The following DYNLT4 variants were observed in gnomAD, a reference collection of about 807,000 sequenced individuals.
DYNLT4 encodes dynein light chain Tctex-type 4, also known as Tctex1 domain containing 4.
DYNLT4 carries 3 observed loss-of-function variants against 1.5 expected under a neutral mutation model. The observed-to-expected ratio is 1.97, with a 90% CI of 0.90 to 5.08. The LOEUF (loss-of-function observed/expected upper bound fraction) is 5.08, where lower values mean the gene tolerates loss of function less well. Among genes scored for constraint, DYNLT4 ranks in the 30% most tolerant of loss-of-function variants. The pLI is 0.02. For synonymous variants in DYNLT4, 181 were observed against 160.0 expected (o/e 1.13, Z -0.99); for missense variants, 346 against 341.0 (o/e 1.01, Z -0.12).
rs767451085 is a variant in DYNLT4 at position 44,806,364 on chromosome 1, C to T, written c.305G>A (p.Arg102His). The T allele has an allele frequency of 2.6e-6, 4 of 1,522,024 alleles. No individual in the cohort carries two copies. Among genetic ancestry groups the T allele is most frequent in the African/African-American group, 2.9e-5 (2 of 69,962 alleles). 94.3% of individuals were successfully genotyped at this position (1,522,024 alleles called of 1,614,324 possible). A position where few individuals can be genotyped will look rare whatever the true frequency, so the allele number is the denominator to read the frequency against. Residue 102 changes from arginine (R) to histidine (H), a missense_variant, in exon 3 of 3, where the codon CGT becomes CAT. Physicochemically the swap from Arg to His is conservative, Grantham distance 29. Transcript: ENST00000339355. ...CGTGCGGTAGGAGGGCGCCACCCAA[C>T]GGGCGGGCGCCAGGGGCAACCCTGA... ...SFSGLPLAPA[R>H]WVAPSYRTEP...
chr1:44,806,189 C>A lies in DYNLT4; in HGVS notation c.480G>T (p.Leu160=). ...RELCEQVHVR[L]RELSPPRYKL... ...TGTAGCGTGGCGGGCTGAGCTCGCGCAGGCGAACGTGCACCTGCTCGCAGA... is the reference window on the plus strand; with the variant it reads ...TGTAGCGTGGCGGGCTGAGCTCGCGAAGGCGAACGTGCACCTGCTCGCAGA... Residue 160 remains leucine (L), a synonymous_variant, in exon 3 of 3, where the codon CTG becomes CTT. Coordinates refer to ENST00000339355, the MANE Select transcript of DYNLT4 (RefSeq NM_001377534.1). 1 of 1,551,472 alleles carries A rather than the reference C, an allele frequency of 6.4e-7. No homozygotes were observed.
Position 44,806,522 on chromosome 1 carries a change from C to T in DYNLT4, c.147G>A (p.Ser49=), listed in dbSNP as rs573076017. Reference sequence around the variant, plus strand: ...CCAGGCCCAGCATGGAGCCCCGGCGCGAGGCCGGGGCTGGACCTGGACCTG... The same window carrying T: ...CCAGGCCCAGCATGGAGCCCCGGCGTGAGGCCGGGGCTGGACCTGGACCTG... ...RPAGPGPAPA[S]RRGSMLGLAA... The change falls in exon 3 of 3, where the codon TCG becomes TCA. Residue 49 remains serine (S), a synonymous_variant. Coordinates refer to ENST00000339355, the MANE Select transcript of DYNLT4 (RefSeq NM_001377534.1). The T allele has an allele frequency of 6.7e-6, 10 of 1,495,562 alleles. No homozygotes were observed. In the East Asian group the frequency reaches 2.6e-4, roughly 39 times the overall value. The allele number at this position is 1,495,562 out of a possible 1,614,324, so 92.6% of individuals were successfully genotyped here.
At chr1:44,806,872 AG>A (rs1371154912) in intron 1 of DYNLT4, 34 bp from the exon 2 acceptor site, 1 of 985,314 alleles carries the variant, frequency 1.0e-6, no homozygotes, top group Non-Finnish European at 1.2e-6. Flanking sequence ...ACACATGAGC[AG>A]GGGACAGGAG....
Position 44,806,272 on chromosome 1 carries a change from C to G in DYNLT4, c.397G>C (p.Ala133Pro), listed in dbSNP as rs1284912162. Residue 133 changes from alanine (A) to proline (P), a missense_variant, in exon 3 of 3, where the codon GCA becomes CCA. Transcript: ENST00000339355. ...AQRALEAALA[A>P]GLHDACYSSD... ...GAGTAGCACGCGTCGTGCAGCCCTG[C>G]GGCCAGCGCCGCCTCCAGGGCACGC... 1 of 1,489,248 alleles carries G rather than the reference C, an allele frequency of 6.7e-7. No homozygotes were observed. The highest frequency in any genetic ancestry group is 2.6e-5 in the East Asian group (1 of 38,910). The allele number at this position is 1,489,248 out of a possible 1,614,324, so 92.3% of individuals were successfully genotyped here. A position where few individuals can be genotyped will look rare whatever the true frequency, so the allele number is the denominator to read the frequency against.
Position 44,806,547 on chromosome 1 carries a change from G to A in DYNLT4, c.122C>T (p.Ala41Val), listed in dbSNP as rs1652104858. ...CGAGGCCGGGGCTGGACCTGGACCTGCCGGTCGGGCCTCATCAATGCTGGG... is the reference window on the plus strand; with the variant it reads ...CGAGGCCGGGGCTGGACCTGGACCTACCGGTCGGGCCTCATCAATGCTGGG... ...CLPSIDEARP[A>V]GPGPAPASRR... The change falls in exon 3 of 3, where the codon GCA becomes GTA. Residue 41 changes from alanine to valine, a missense_variant. Transcript: ENST00000339355. 3.3e-6 allele frequency: 5 copies of A among 1,499,716 alleles called. No homozygotes were observed. The highest frequency in any genetic ancestry group is 4.4e-6 in the Non-Finnish European group (5 of 1,129,044). 92.9% of individuals were successfully genotyped at this position (1,499,716 alleles called of 1,614,324 possible). A position where few individuals can be genotyped will look rare whatever the true frequency, so the allele number is the denominator to read the frequency against.
rs1342723430 is a variant in DYNLT4, at chr1:44,807,308, G to A, written c.-67+17C>T. ...TCTGAGATGGCTGCCCTCTGCTCCC[G>A]AAACTCCCTCAGGCACCTGAGTCAC... On this transcript the variant is annotated intron_variant, in intron 1 of 2. Transcript: ENST00000339355. Among the ~76,000 whole-genome samples the A allele has an allele frequency of 6.6e-6, 1 of 152,194 alleles. No individual in the cohort carries two copies. The highest frequency in any genetic ancestry group is 1.5e-5 in the Non-Finnish European group (1 of 68,030).
rs1213654333 is a variant in DYNLT4, at chr1:44,805,909, T to G, written c.*94A>C. ...TAGGGGGCGTTATTTATGGACCACT[T>G]TTATTTATTGTCAGACACTTATTTA... On this transcript the variant is annotated 3_prime_UTR_variant, in exon 3 of 3. Coordinates refer to ENST00000339355, the MANE Select transcript of DYNLT4 (RefSeq NM_001377534.1). 1.4e-6 allele frequency: 2 copies of G among 1,465,510 alleles called. No individual in the cohort carries two copies. Among genetic ancestry groups the G allele is most frequent in the East Asian group, 4.9e-5 (2 of 40,756 alleles). 90.8% of individuals were successfully genotyped at this position (1,465,510 alleles called of 1,614,324 possible). A position where few individuals can be genotyped will look rare whatever the true frequency, so the allele number is the denominator to read the frequency against.
In DYNLT4 at chr1:44,806,064, A is replaced by AC. The variant is rs750907882; in HGVS notation, c.604dup (p.Val202GlyfsTer34). ...GAAGAGCGAGGTGTTGGTGTAGGAG[A>AC]CCGAGGCCAGCCCATCGCGCGCCAC... On this transcript the variant is annotated frameshift_variant, in exon 3 of 3. Coordinates refer to ENST00000339355, the MANE Select transcript of DYNLT4 (RefSeq NM_001377534.1). LOFTEE classifies it high-confidence loss of function. 7.6e-5 allele frequency: 121 copies of AC among 1,601,696 alleles called. No individual in the cohort carries two copies. The highest frequency in any genetic ancestry group is 9.9e-5 in the Non-Finnish European group (116 of 1,173,300).
rs1338680845 is a variant in DYNLT4, at chr1:44,805,899, A to G, written c.*104T>C. 18 of 1,454,800 alleles carry G rather than the reference A, an allele frequency of 1.2e-5. 1 individual carries two copies. The highest frequency in any genetic ancestry group is 3.6e-4 in the Middle Eastern group (2 of 5,486). 90.1% of individuals were successfully genotyped at this position (1,454,800 alleles called of 1,614,324 possible). ...AGCTCCCAGCTAGGGGGCGTTATTTATGGACCACTTTTATTTATTGTCAGA... is the reference window on the plus strand; with the variant it reads ...AGCTCCCAGCTAGGGGGCGTTATTTGTGGACCACTTTTATTTATTGTCAGA... On this transcript the variant is annotated 3_prime_UTR_variant, in exon 3 of 3. Transcript: ENST00000339355.
At position 44,806,456 on chromosome 1, in the gene DYNLT4, G is replaced by T; in HGVS notation, c.213C>A (p.Gly71=). ...FSRRNSLVGP[G]AGPGGQRPSL... ...ATGGCCGCTGACCCCCAGGACCCGC[G>T]CCTGGCCCGACCAGCGAGTTGCGGC... The change falls in exon 3 of 3, where the codon GGC becomes GGA. Residue 71 remains glycine, a synonymous_variant. Transcript: ENST00000339355. The T allele has an allele frequency of 6.6e-7, 1 of 1,524,386 alleles. No individual in the cohort carries two copies. The highest frequency in any genetic ancestry group is 8.8e-7 in the Non-Finnish European group (1 of 1,141,594). The allele number at this position is 1,524,386 out of a possible 1,614,324, so 94.4% of individuals were successfully genotyped here. A position where few individuals can be genotyped will look rare whatever the true frequency, so the allele number is the denominator to read the frequency against.
Position 44,806,333 on chromosome 1 carries a change from T to C in DYNLT4, c.336A>G (p.Pro112=). The part of the protein sequence containing the change: ...RWVAPSYRTE[P]VPGERWEAAR... ...CAGCCTCCCAGCGCTCCCCGGGCAC[T>C]GGCTCCGTGCGGTAGGAGGGCGCCA... Residue 112 remains proline, a synonymous_variant, in exon 3 of 3, where the codon CCA becomes CCG. Transcript: ENST00000339355. 2 of 1,499,288 alleles carry C rather than the reference T, an allele frequency of 1.3e-6. No individual in the cohort carries two copies. The highest frequency in any genetic ancestry group is 1.3e-5 in the South Asian group (1 of 79,622). 92.9% of individuals were successfully genotyped at this position (1,499,288 alleles called of 1,614,324 possible).
Position 44,807,338 on chromosome 1 carries a change from A to G in DYNLT4, c.-80T>C, listed in dbSNP as rs1300246695. Among the ~76,000 whole-genome samples the G allele has an allele frequency of 1.3e-5, 2 of 152,160 alleles. No individual in the cohort carries two copies. The highest frequency in any genetic ancestry group is 2.9e-5 in the Non-Finnish European group (2 of 68,012). The stretch of plus-strand genomic sequence containing the variant: ...TCCCTCAGGCACCTGAGTCACCCGC[A>G]GGCTTTGGCTTCTGAGTTCTGTCCT... On this transcript the variant is annotated 5_prime_UTR_variant, in exon 1 of 3. Transcript: ENST00000339355.
rs1652086337 is a variant in DYNLT4 at position 44,806,385 on chromosome 1, C to T, written c.284G>A (p.Gly95Glu). 6.5e-6 allele frequency: 10 copies of T among 1,529,570 alleles called. No homozygotes were observed. The highest frequency in any genetic ancestry group is 4.1e-5 in the Admixed American group (2 of 48,600). The allele number at this position is 1,529,570 out of a possible 1,614,324, so 94.7% of individuals were successfully genotyped here. Residue 95 changes from glycine to glutamate, a missense_variant, in exon 3 of 3, where the codon GGG becomes GAG. By Grantham distance (98) the Gly-to-Glu change is moderately conservative (BLOSUM62 -2). Coordinates refer to ENST00000339355, the MANE Select transcript of DYNLT4 (RefSeq NM_001377534.1). ...PPLGSRVSFS[G>E]LPLAPARWVA... ...CCAACGGGCGGGCGCCAGGGGCAACCCTGAGAAGCTGACCCTTGAGCCCAG... is the reference window on the plus strand; with the variant it reads ...CCAACGGGCGGGCGCCAGGGGCAACTCTGAGAAGCTGACCCTTGAGCCCAG...
Position 44,806,622 on chromosome 1 carries a change from G to T in DYNLT4, c.47C>A (p.Ala16Asp). The T allele has an allele frequency of 2.0e-6, 3 of 1,469,996 alleles. No homozygotes were observed. Among genetic ancestry groups the T allele is most frequent in the Non-Finnish European group, 9.0e-7 (1 of 1,114,258 alleles). 91.1% of individuals were successfully genotyped at this position (1,469,996 alleles called of 1,614,324 possible). Residue 16 changes from alanine to aspartate, a missense_variant, in exon 3 of 3, where the codon GCC becomes GAC. Ala to Asp is a moderately radical substitution (Grantham distance 126, BLOSUM62 -2). Transcript: ENST00000339355. Reference protein sequence around the residue: ...LPPGRQEEENAKDSGRKPSPV... With the variant: ...LPPGRQEEENDKDSGRKPSPV... ...TGAGGGTTTCCGCCCGGAGTCTTTG[G>T]CATTCTCCTCCTCCTGGCGTCCCGG...
intron 1 of DYNLT4, chr1:44,807,112 T>A (rs1652149927): frequency 1.0e-6 from 1 of 985,278 alleles, no homozygotes; most frequent in South Asian, 4.7e-5. Flanking sequence ...ACCCCACAGA[T>A]CCTTCCAGCC....
chr1:44,806,303 A>C lies in DYNLT4; in HGVS notation c.366T>G (p.Arg122=). 6.8e-7 allele frequency: 1 copy of C among 1,480,010 alleles called. No homozygotes were observed. Among genetic ancestry groups the C allele is most frequent in the South Asian group, 1.3e-5 (1 of 76,402 alleles). 91.7% of individuals were successfully genotyped at this position (1,480,010 alleles called of 1,614,324 possible). The change falls in exon 3 of 3, where the codon CGT becomes CGG. Residue 122 remains arginine, a synonymous_variant. Coordinates refer to ENST00000339355, the MANE Select transcript of DYNLT4 (RefSeq NM_001377534.1). ...PVPGERWEAA[R]AQRALEAALA... ...GCGCCGCCTCCAGGGCACGCTGTGC[A>C]CGCGCAGCCTCCCAGCGCTCCCCGG...
intron 1 of DYNLT4, 146 bp downstream of exon 1, chr1:44,807,179 C>T: frequency 1.0e-6 from 1 of 975,572 alleles, no homozygotes; most frequent in South Asian, 4.7e-5. Flanking sequence ...GTGGCTGGCA[C>T]AAAGATCTCC....
At chr1:44,806,887 G>A (rs1557627674) in intron 1 of DYNLT4, 49 bp from the exon 2 acceptor site, 9 of 985,448 alleles carry the variant, frequency 9.1e-6, no homozygotes, top group Middle Eastern at 5.2e-4. Context: ...ACAGGAGGCT[G>A]CTAGGACTGG....
chr1:44,806,376 A>AG lies in DYNLT4; in HGVS notation c.292dup (p.Leu98ProfsTer138). The AG allele has an allele frequency of 6.6e-7, 1 of 1,526,482 alleles. No individual in the cohort carries two copies. The allele number at this position is 1,526,482 out of a possible 1,614,324, so 94.6% of individuals were successfully genotyped here. On this transcript the variant is annotated frameshift_variant, in exon 3 of 3. Coordinates refer to ENST00000339355, the MANE Select transcript of DYNLT4 (RefSeq NM_001377534.1). LOFTEE classifies it low-confidence loss of function (END_TRUNC). Reference sequence around the variant, plus strand: ...GGGCGCCACCCAACGGGCGGGCGCCAGGGGCAACCCTGAGAAGCTGACCCT... The same window carrying AG: ...GGGCGCCACCCAACGGGCGGGCGCCAGGGGGCAACCCTGAGAAGCTGACCCT...
Sources: gnomAD v4.1 joint callset for allele counts (sites outside exome capture counted in the v4.1 genomes callset) on GRCh38, gnomAD v4.1.1 for gene constraint, MANE v1.5 for transcripts, NCBI Gene and HGNC (gene_info 2026-07-23, HGNC 2026-07-21) for gene names.